Variants in RAB28 observed in about 807,000 individuals in gnomAD.
RAB28 encodes the protein RAB28, member RAS oncogene family.
A neutral mutation model predicts 31.7 loss-of-function variants in RAB28; 24 were observed. The ratio of observed to expected loss-of-function variants is 0.76; its 90% CI spans 0.55 to 1.06. RAB28 has a LOEUF of 1.06. Among genes scored for constraint, RAB28 ranks in the 50% least tolerant of loss-of-function variants. The pLI is 0.00. For synonymous variants in RAB28, 100 were observed against 90.4 expected, an observed-to-expected ratio of 1.11 and a Z score of -0.60; for missense variants, 254 against 258.5, an observed-to-expected ratio of 0.98 and a Z score of 0.12.
intron 4 of RAB28, among the ~76,000 whole-genome samples, chr4:13,451,186 C>G (rs1714949570): frequency 6.6e-6 from 1 of 151,864 alleles, no homozygotes; most frequent in African/African-American, 2.4e-5. Context: ...TTCTCATCAG[C>G]ATTTGTTATT....
intron 4 of RAB28, among the ~76,000 whole-genome samples, chr4:13,448,444 A>C (rs1714806765): frequency 6.6e-6 from 1 of 152,100 alleles, no homozygotes; most frequent in Non-Finnish European, 1.5e-5. Flanking sequence ...CAACTCCTCC[A>C]AAACCAATGA....
intron 4 of RAB28, among the ~76,000 whole-genome samples, chr4:13,445,933 C>G (rs1178279911): frequency 6.6e-6 from 1 of 152,158 alleles, no homozygotes; most frequent in Non-Finnish European, 1.5e-5. Flanking sequence ...TCAAAGCCAG[C>G]AGGCAGGAAA....
intron 4 of RAB28, among the ~76,000 whole-genome samples, chr4:13,426,376 G>A (rs948560887): frequency 1.3e-5 from 2 of 152,012 alleles, no homozygotes; most frequent in African/African-American, 4.8e-5. Flanking sequence ...ACCATGAAGG[G>A]ACAACTTGAA....
At chr4:13,381,882 A>G (rs1008210644) in intron 4 of RAB28, among the ~76,000 whole-genome samples, 1 of 152,306 alleles carries the variant, frequency 6.6e-6, no homozygotes, top group Non-Finnish European at 1.5e-5. Flanking sequence ...CATTATTATT[A>G]TCATCTGTAT....
At chr4:13,429,547 A>T (rs1713692525) in intron 4 of RAB28, among the ~76,000 whole-genome samples, 1 of 152,042 alleles carries the variant, frequency 6.6e-6, no homozygotes, top group Non-Finnish European at 1.5e-5. Context: ...CAACAGAATT[A>T]AAAATGATAA....
intron 4 of RAB28, among the ~76,000 whole-genome samples, chr4:13,382,464 C>A (rs1729169549): frequency 1.3e-5 from 2 of 150,524 alleles, no homozygotes; most frequent in Admixed American, 6.7e-5. Context: ...AGGAAGGGAC[C>A]CAAATGACTT....
At chr4:13,398,196 T>C (rs1312428222) in intron 4 of RAB28, among the ~76,000 whole-genome samples, 3 of 152,230 alleles carry the variant, frequency 2.0e-5, no homozygotes, top group Non-Finnish European at 2.9e-5. Flanking sequence ...TTGTTGCTTG[T>C]AAAAAATTTG....
At chr4:13,472,831 G>GAACAAATA (rs144846563) in intron 3 of RAB28, among the ~76,000 whole-genome samples, 25 of 150,194 alleles carry the variant, frequency 1.7e-4, no homozygotes, top group African/African-American at 6.1e-4. Flanking sequence ...AACAGAAAAT[G>GAACAAATA]AATAAATAAA....
chr4:13,481,576 C>T (rs1321967068), intron 1 of RAB28, among the ~76,000 whole-genome samples: 2 of 151,780 alleles, frequency 1.3e-5, no homozygotes, highest in African/African-American at 4.8e-5. Flanking sequence ...TTTCTACTAA[C>T]ATTTTTTAAC....
chr4:13,465,770 C>T (rs1228405509), intron 3 of RAB28, among the ~76,000 whole-genome samples: 1 of 151,498 alleles, frequency 6.6e-6, no homozygotes, highest in Non-Finnish European at 1.5e-5. Flanking sequence ...CACACACACA[C>T]ACACACACAC....
intron 5 of RAB28, among the ~76,000 whole-genome samples, chr4:13,377,676 T>A (rs1239595320): frequency 6.6e-6 from 1 of 152,194 alleles, no homozygotes; most frequent in African/African-American, 2.4e-5. Flanking sequence ...TTTAACAGCA[T>A]TAGTCTGGTT....
At chr4:13,432,527 A>T (rs1713870374) in intron 4 of RAB28, among the ~76,000 whole-genome samples, 4 of 152,166 alleles carry the variant, frequency 2.6e-5, no homozygotes, top group Admixed American at 2.6e-4. Flanking sequence ...AAAAAATCTT[A>T]GAGGCAGCTA....
rs553135453 is a variant in RAB28, at chr4:13,460,699, T to C, written c.391A>G (p.Ile131Val). The change falls in exon 4 of 7, where the codon ATT (isoleucine) becomes GTT (valine). Residue 131 changes from isoleucine (I) to valine (V), a missense_variant and splice_region_variant. Transcript: ENST00000330852. ...ACATAAACAAGCAGTAATAACTTAC[T>C]TTTATTGCCTACCAAGGCAACCAGT... ...QPLVALVGNK[I>V]DLEHMRTIKP... The C allele has an allele frequency of 6.2e-7, 1 of 1,613,968 alleles. No homozygotes were observed.
At chr4:13,371,741 T>A in intron 6 of RAB28, 1 of 1,544,632 alleles carries the variant, frequency 6.5e-7, no homozygotes, top group Non-Finnish European at 8.7e-7. Flanking sequence ...GTCAGCTTAT[T>A]TAAAAGCCAT....
intron 3 of RAB28, among the ~76,000 whole-genome samples, chr4:13,471,645 G>A (rs77201628): frequency 0.028 from 4,198 of 152,080 alleles, 91 homozygotes; most frequent in South Asian, 0.062. Context: ...GGGACTACAG[G>A]TGCCTGCCAC....
At chr4:13,379,782 AATT>A (rs1250157706) in intron 5 of RAB28, among the ~76,000 whole-genome samples, 1 of 152,150 alleles carries the variant, frequency 6.6e-6, no homozygotes, top group African/African-American at 2.4e-5. Flanking sequence ...AATCACTAAG[AATT>A]ATGACATAGG....
chr4:13,427,728 T>G (rs1327102478), intron 4 of RAB28, among the ~76,000 whole-genome samples: 1 of 152,084 alleles, frequency 6.6e-6, no homozygotes, highest in Non-Finnish European at 1.5e-5. Flanking sequence ...ATTCCCAGAA[T>G]GCAAACGGAC....
chr4:13,412,460 C>A (rs141822100), intron 4 of RAB28, among the ~76,000 whole-genome samples: 1 of 151,866 alleles, frequency 6.6e-6, no homozygotes, highest in Non-Finnish European at 1.5e-5. Context: ...CACAAACAAC[C>A]CTGTGTCGTA....
chr4:13,385,881 G>T (rs778303294), intron 4 of RAB28, among the ~76,000 whole-genome samples: 2 of 152,022 alleles, frequency 1.3e-5, no homozygotes, highest in Non-Finnish European at 2.9e-5. Flanking sequence ...TGGAGTAAAG[G>T]CTTAAATTTA....
Sources: allele counts gnomAD v4.1 joint callset (sites outside exome capture counted in the v4.1 genomes callset), GRCh38; gene constraint gnomAD v4.1.1; transcripts MANE v1.5; gene names NCBI Gene and HGNC (gene_info 2026-07-23, HGNC 2026-07-21).